PBX4: variants seen among roughly 807,000 people sequenced by gnomAD.
The protein encoded by PBX4 is PBX homeobox 4, also known as pre-B-cell leukemia transcription factor 4.
PBX4 carries 26 observed loss-of-function variants against 35.1 expected under a neutral mutation model. The ratio of observed to expected loss-of-function variants is 0.74; its 90% CI spans 0.54 to 1.03. PBX4 has a LOEUF of 1.03. Ranked by LOEUF, PBX4 falls within the 50% of genes least tolerant of loss-of-function variation. The pLI is 0.00. For synonymous variants in PBX4, 199 were observed against 204.2 expected (o/e 0.97, Z 0.22); for missense variants, 448 against 504.3 (o/e 0.89, Z 1.07).
chr19:19,570,915 A>G lies in PBX4; in HGVS notation c.194-82T>C, dbSNP rs2061379139. On this transcript the variant is annotated intron_variant, in intron 2 of 7. Transcript: ENST00000251203. ...ATGAGAAAATGTGAGCACTGGTGTTATGTCTGAAGATTTTTGCATAGAACC... is the reference window on the plus strand; with the variant it reads ...ATGAGAAAATGTGAGCACTGGTGTTGTGTCTGAAGATTTTTGCATAGAACC... 6 of 1,543,374 alleles carry G rather than the reference A, an allele frequency of 3.9e-6. No homozygotes were observed. In the South Asian group the frequency reaches 7.4e-5, roughly 19 times the overall value.
chr19:19,588,031 T>C, intron 2 of PBX4: 2 of 604,650 alleles, frequency 3.3e-6, no homozygotes, highest in Non-Finnish European at 6.0e-6. Flanking sequence ...TAGGCATCTT[T>C]TCTGAAAGCT....
intron 2 of PBX4, among the ~76,000 whole-genome samples, chr19:19,577,230 G>A (rs2061425474): frequency 6.6e-6 from 1 of 151,370 alleles, no homozygotes; most frequent in South Asian, 2.1e-4. Flanking sequence ...ATTAAAGTGA[G>A]AACACCTGTG....
intron 2 of PBX4, chr19:19,580,025 A>T (rs1310142854): frequency 6.6e-6 from 1 of 152,266 alleles, no homozygotes; most frequent in Non-Finnish European, 1.5e-5. Context: ...GCCTGGTGAG[A>T]GGCGGCCAAA....
chr19:19,564,969 C>T lies in PBX4; in HGVS notation c.889G>A (p.Gly297Arg), dbSNP rs768790018. 14 of 1,614,236 alleles carry T rather than the reference C, an allele frequency of 8.7e-6. No individual in the cohort carries two copies. The highest frequency in any genetic ancestry group is 5.5e-5 in the South Asian group (5 of 91,086). The change falls in exon 6 of 8, where the codon GGG (glycine) becomes AGG (arginine). Residue 297 changes from glycine (G) to arginine (R), a missense_variant. Physicochemically the swap from Gly to Arg is moderately radical, Grantham distance 125. Transcript: ENST00000251203. ...AVDTTEVGVP[G>R]NHASCLSTPS... ...GTTGACAGGCAGCTGGCGTGGTTCCCTGGGACCCCAACTTCCGTGGTATCC... is the reference window on the plus strand; with the variant it reads ...GTTGACAGGCAGCTGGCGTGGTTCCTTGGGACCCCAACTTCCGTGGTATCC...
At chr19:19,569,262 G>T (rs2144709396) in intron 5 of PBX4, among the ~76,000 whole-genome samples, 187 bp downstream of exon 5, 1 of 152,176 alleles carries the variant, frequency 6.6e-6, no homozygotes, top group Non-Finnish European at 1.5e-5. Flanking sequence ...GTCTCACTAT[G>T]TTGCCCAGGC....
At chr19:19,606,008 T>G (rs1234275086) in intron 1 of PBX4, among the ~76,000 whole-genome samples, 1 of 152,158 alleles carries the variant, frequency 6.6e-6, no homozygotes, top group Non-Finnish European at 1.5e-5. Context: ...GAGCTAGCAG[T>G]GATCAAGCAG....
intron 1 of PBX4, among the ~76,000 whole-genome samples, chr19:19,611,453 G>A (rs1345963259): frequency 6.6e-6 from 1 of 152,050 alleles, no homozygotes; most frequent in East Asian, 1.9e-4. Flanking sequence ...GGCCGAGGCG[G>A]GCAGATCATG....
intron 1 of PBX4, chr19:19,606,447 C>T (rs1369496895): frequency 6.6e-6 from 1 of 152,222 alleles, no homozygotes; most frequent in Non-Finnish European, 1.5e-5. Flanking sequence ...GGAACATAGC[C>T]CAGCCAACAC....
At position 19,581,772 on chromosome 19, in the gene PBX4, A is replaced by T. The variant is rs1295900398; in HGVS notation, c.194-10939T>A. On this transcript the variant is annotated intron_variant, in intron 2 of 7. Coordinates refer to ENST00000251203, the MANE Select transcript of PBX4 (RefSeq NM_025245.3). ...CAGGAAGGCTGCGGGAACCCAGGTC[A>T]TGCGGTGCTGCCATTGGCTTTGGGA... Among the ~76,000 whole-genome samples, 5 of 152,220 alleles carry T rather than the reference A, an allele frequency of 3.3e-5. No individual in the cohort carries two copies. The East Asian group carries it at 9.6e-4, about 29-fold the overall frequency.
In PBX4 at chr19:19,561,784, T is replaced by A. The variant is rs184567636; in HGVS notation, c.*241A>T. On this transcript the variant is annotated 3_prime_UTR_variant, in exon 8 of 8. Coordinates refer to ENST00000251203, the MANE Select transcript of PBX4 (RefSeq NM_025245.3). ...AGAACAGACAATTCAATTCATAGCGTTACCATAAAATTACTGTCAAAAAAA... is the reference window on the plus strand; with the variant it reads ...AGAACAGACAATTCAATTCATAGCGATACCATAAAATTACTGTCAAAAAAA... 208 of 447,154 alleles carry A rather than the reference T, an allele frequency of 4.7e-4. 2 individuals are homozygous for A. Among genetic ancestry groups the A allele is most frequent in the Middle Eastern group, 1.8e-3 (3 of 1,670 alleles). The allele number at this position is 447,154 out of a possible 1,614,324, so 27.7% of individuals were successfully genotyped here.
intron 2 of PBX4, among the ~76,000 whole-genome samples, chr19:19,580,481 T>C (rs1298938459): frequency 2.0e-5 from 3 of 152,130 alleles, no homozygotes; most frequent in African/African-American, 7.2e-5. Flanking sequence ...GGACCCAGCG[T>C]GGTAACTGGG....
intron 1 of PBX4, among the ~76,000 whole-genome samples, chr19:19,604,088 GTCCATTATTAAAAGA>G (rs2061614397): frequency 6.6e-6 from 1 of 151,926 alleles, no homozygotes; most frequent in Non-Finnish European, 1.5e-5. Flanking sequence ...TCATCCAAGC[GTCCATTATTAAAAGA>G]TCCATTATTA....
At chr19:19,565,384 G>A (rs151321050) in intron 5 of PBX4, among the ~76,000 whole-genome samples, 125 of 152,370 alleles carry the variant, frequency 8.2e-4, no homozygotes, top group Non-Finnish European at 1.5e-3. Flanking sequence ...AAACAAGACT[G>A]TCTGAGGTGG....
chr19:19,565,751 C>A (rs1048114973), intron 5 of PBX4, among the ~76,000 whole-genome samples: 1 of 151,938 alleles, frequency 6.6e-6, no homozygotes, highest in Non-Finnish European at 1.5e-5. Context: ...AACCCCATCT[C>A]TACTAATAAT....
At chr19:19,612,765 G>C (rs2061669309) in intron 1 of PBX4, among the ~76,000 whole-genome samples, 1 of 152,078 alleles carries the variant, frequency 6.6e-6, no homozygotes, top group Non-Finnish European at 1.5e-5. Context: ...AAAGAGGCCA[G>C]AAACCAGGAA....
intron 5 of PBX4, among the ~76,000 whole-genome samples, chr19:19,568,199 T>C (rs1308540402): frequency 1.7e-4 from 14 of 80,760 alleles, no homozygotes; most frequent in East Asian, 9.2e-4. Flanking sequence ...GCTCACACTC[T>C]ACCAGTATCC....
intron 2 of PBX4, among the ~76,000 whole-genome samples, chr19:19,584,694 C>T (rs146669988): frequency 0.015 from 2,198 of 148,488 alleles, 70 homozygotes; most frequent in South Asian, 0.077. Context: ...GGCACAATCT[C>T]GGCTCACGGC....
At chr19:19,601,793 G>A (rs2061598786) in intron 1 of PBX4, among the ~76,000 whole-genome samples, 1 of 152,126 alleles carries the variant, frequency 6.6e-6, no homozygotes, top group Admixed American at 6.5e-5. Context: ...CCAGCCCATG[G>A]GCTCACTGGG....
chr19:19,616,971 C>T (rs1349904553), intron 1 of PBX4, among the ~76,000 whole-genome samples: 3 of 152,166 alleles, frequency 2.0e-5, no homozygotes, highest in South Asian at 2.1e-4. Context: ...CGTGAGCCAC[C>T]GCACCTGGCC....
Sources: gnomAD v4.1 joint callset for allele counts (sites outside exome capture counted in the v4.1 genomes callset) on GRCh38, gnomAD v4.1.1 for gene constraint, MANE v1.5 for transcripts, NCBI Gene and HGNC (gene_info 2026-07-23, HGNC 2026-07-21) for gene names.